Variants in SLC10A7 observed in about 807,000 individuals in gnomAD.
SLC10A7 encodes the protein sodium/bile acid cotransporter 7.
Under a neutral mutation model 43.2 loss-of-function variants are expected in SLC10A7, and 29 were observed. The observed-to-expected ratio is 0.67, with a 90% confidence interval of 0.50 to 0.92. The LOEUF (loss-of-function observed/expected upper bound fraction) is 0.92, where lower values mean the gene tolerates loss of function less well. SLC10A7 is among the 40% of genes least tolerant of loss of function. The probability of loss-of-function intolerance (pLI) is 0.00; values close to 1 mark genes in which losing one functional copy is unlikely to be tolerated. For synonymous variants in SLC10A7, 152 were observed against 144.8 expected, an observed-to-expected ratio of 1.05 and a Z score of -0.35; for missense variants, 295 against 403.2, an observed-to-expected ratio of 0.73 and a Z score of 2.30.
Position 146,442,641 on chromosome 4 carries a change from G to T in SLC10A7, c.435+142C>A, listed in dbSNP as rs559944120. ...TATTCATTAACTACTTTTCTTCAGGGTATGGATACTGGCACATGAAAAGAT... is the reference window on the plus strand; with the variant it reads ...TATTCATTAACTACTTTTCTTCAGGTTATGGATACTGGCACATGAAAAGAT... On this transcript the variant is annotated intron_variant, in intron 5 of 11. Coordinates refer to ENST00000335472, the MANE Select transcript of SLC10A7 (RefSeq NM_001029998.6). 5.4e-4 allele frequency: 804 copies of T among 1,493,160 alleles called. 4 individuals are homozygous for T. In the African/African-American group the frequency reaches 0.011, roughly 20 times the overall value. 92.5% of individuals were successfully genotyped at this position (1,493,160 alleles called of 1,614,324 possible). A position where few individuals can be genotyped will look rare whatever the true frequency, so the allele number is the denominator to read the frequency against.
chr4:146,292,824 G>C (rs1730530248), intron 9 of SLC10A7, 105 bp downstream of exon 9: 2 of 759,568 alleles, frequency 2.6e-6, no homozygotes, highest in South Asian at 1.9e-5. Context: ...AAAAACATAT[G>C]TAAAAGGAGA....
chr4:146,476,468 G>A (rs1734039744), intron 4 of SLC10A7, among the ~76,000 whole-genome samples: 1 of 152,062 alleles, frequency 6.6e-6, no homozygotes, highest in African/African-American at 2.4e-5. Flanking sequence ...TTTAGCAAAT[G>A]CCCGTTTAAA....
At chr4:146,438,747 C>T (rs1260889120) in intron 5 of SLC10A7, among the ~76,000 whole-genome samples, 1 of 151,922 alleles carries the variant, frequency 6.6e-6, no homozygotes, top group Non-Finnish European at 1.5e-5. Context: ...TAAGTTCTAA[C>T]AAATCAAATG....
rs896592118 is a variant in SLC10A7 at position 146,521,682 on chromosome 4, G to A, written c.36C>T (p.Phe12=). 2.5e-6 allele frequency: 4 copies of A among 1,614,196 alleles called. No individual in the cohort carries two copies. Among genetic ancestry groups the A allele is most frequent in the Middle Eastern group, 1.6e-4 (1 of 6,062 alleles). ...CGATCGCCAGCACTATTCCGACCAT[G>A]AACCAGTCTTTCCTCATTCTCTCCA... is the stretch of plus-strand genomic sequence containing the variant. ...RLLERMRKDW[F]MVGIVLAIAG... The change falls in exon 1 of 12, where the codon TTC becomes TTT. Residue 12 remains phenylalanine (F), a synonymous_variant. Transcript: ENST00000335472.
At chr4:146,435,545 G>T (rs553750763) in intron 5 of SLC10A7, among the ~76,000 whole-genome samples, 2 of 152,306 alleles carry the variant, frequency 1.3e-5, no homozygotes, top group South Asian at 2.1e-4. Flanking sequence ...CTGTAATGTA[G>T]ATGAAGGCAG....
At chr4:146,347,030 T>C (rs79201099) in intron 5 of SLC10A7, among the ~76,000 whole-genome samples, 3,324 of 152,198 alleles carry the variant, frequency 0.022, 114 homozygotes, top group African/African-American at 0.076. Flanking sequence ...GAAAGGCTGC[T>C]TACCTCACCC....
chr4:146,323,194 T>G (rs966120043), intron 6 of SLC10A7, among the ~76,000 whole-genome samples: 4 of 152,242 alleles, frequency 2.6e-5, no homozygotes, highest in Non-Finnish European at 5.9e-5. Context: ...GTAGTTTCTT[T>G]TGCTGTGCAG....
intron 4 of SLC10A7, among the ~76,000 whole-genome samples, chr4:146,495,754 T>C (rs967960438): frequency 1.0e-3 from 143 of 138,222 alleles, no homozygotes; most frequent in African/African-American, 3.8e-3. Flanking sequence ...ACCAGCCCCG[T>C]TGATGAAAGT....
At chr4:146,307,662 A>G (rs568212448) in intron 6 of SLC10A7, among the ~76,000 whole-genome samples, 1 of 152,280 alleles carries the variant, frequency 6.6e-6, no homozygotes, top group South Asian at 2.1e-4. Context: ...TTCAAGTTCA[A>G]GAAGGTCTAG....
intron 4 of SLC10A7, among the ~76,000 whole-genome samples, chr4:146,486,749 A>G (rs543608271): frequency 2.0e-5 from 3 of 152,324 alleles, no homozygotes; most frequent in Admixed American, 6.5e-5. Flanking sequence ...CTCATCCTAC[A>G]AGGAATAGGA....
chr4:146,410,817 C>T (rs1445291119), intron 5 of SLC10A7, among the ~76,000 whole-genome samples: 28 of 151,978 alleles, frequency 1.8e-4, no homozygotes, highest in Non-Finnish European at 2.9e-5. Flanking sequence ...ATATCTTGTT[C>T]ATAGTTTCTT....
intron 5 of SLC10A7, among the ~76,000 whole-genome samples, chr4:146,417,004 AT>A (rs1728619901): frequency 6.6e-6 from 1 of 152,202 alleles, no homozygotes; most frequent in East Asian, 1.9e-4. Flanking sequence ...CTCTAGTTTT[AT>A]CCCTTTCCTG....
chr4:146,509,207 A>G (rs925903215), intron 3 of SLC10A7, among the ~76,000 whole-genome samples: 9 of 152,148 alleles, frequency 5.9e-5, no homozygotes, highest in Admixed American at 5.2e-4. Flanking sequence ...AGACTCCCCA[A>G]CATGCAAAAC....
At chr4:146,428,195 A>T (rs1207833350) in intron 5 of SLC10A7, among the ~76,000 whole-genome samples, 1 of 152,050 alleles carries the variant, frequency 6.6e-6, no homozygotes, top group Non-Finnish European at 1.5e-5. Context: ...AAACAAACAA[A>T]CAAACAAAAA....
At chr4:146,455,386 C>T (rs1023315797) in intron 4 of SLC10A7, among the ~76,000 whole-genome samples, 2 of 151,796 alleles carry the variant, frequency 1.3e-5, no homozygotes, top group Non-Finnish European at 2.9e-5. Context: ...GAGGAATTGG[C>T]CAAGAATTCC....
At chr4:146,479,123 T>C (rs1175522489) in intron 4 of SLC10A7, among the ~76,000 whole-genome samples, 1 of 152,146 alleles carries the variant, frequency 6.6e-6, no homozygotes, top group Admixed American at 6.5e-5. Context: ...ATTTGGATAA[T>C]GTATAAAATC....
At chr4:146,512,893 A>T (rs1286507973) in intron 2 of SLC10A7, among the ~76,000 whole-genome samples, 1 of 152,228 alleles carries the variant, frequency 6.6e-6, no homozygotes, top group Non-Finnish European at 1.5e-5. Context: ...ACATCATGAC[A>T]CATCCGTACA....
intron 5 of SLC10A7, among the ~76,000 whole-genome samples, chr4:146,363,069 G>T (rs1469961375): frequency 6.6e-6 from 1 of 151,984 alleles, no homozygotes; most frequent in Non-Finnish European, 1.5e-5. Flanking sequence ...AGACAAAGTG[G>T]CTAAGTAGAT....
At position 146,255,758 on chromosome 4, in the gene SLC10A7, A is replaced by G. The variant is rs1271876650; in HGVS notation, c.*733T>C. Reference sequence around the variant, plus strand: ...AAATTATTGAATAAAGAGGAAGAAGATATTAAGATATATTTTAAAGACCCT... The same window carrying G: ...AAATTATTGAATAAAGAGGAAGAAGGTATTAAGATATATTTTAAAGACCCT... On this transcript the variant is annotated 3_prime_UTR_variant, in exon 12 of 12. Transcript: ENST00000335472. The G allele has an allele frequency of 6.6e-6, 1 of 152,250 alleles. No homozygotes were observed. The highest frequency in any genetic ancestry group is 1.5e-5 in the Non-Finnish European group (1 of 68,050). 9.4% of individuals were successfully genotyped at this position (152,250 alleles called of 1,614,324 possible).
Sources: gnomAD v4.1 joint callset for allele counts (sites outside exome capture counted in the v4.1 genomes callset) on GRCh38, gnomAD v4.1.1 for gene constraint, MANE v1.5 for transcripts, NCBI Gene and HGNC (gene_info 2026-07-23, HGNC 2026-07-21) for gene names.